The following ERC2 variants were observed in gnomAD, a reference collection of about 807,000 sequenced individuals.
ERC2 encodes the protein ELKS/RAB6-interacting/CAST family member 2.
A neutral mutation model predicts 114.8 loss-of-function variants in ERC2; 42 were observed. That is an observed-to-expected ratio of 0.37 (90% CI 0.29 to 0.47). The LOEUF (loss-of-function observed/expected upper bound fraction) is 0.47, where lower values mean the gene tolerates loss of function less well. Among genes scored for constraint, ERC2 ranks in the 20% least tolerant of loss-of-function variants. The pLI is 0.99. For missense variants in ERC2, 939 were observed against 1,150.7 expected, an observed-to-expected ratio of 0.82 and a Z score of 2.66; for synonymous variants, 454 against 425.5, an observed-to-expected ratio of 1.07 and a Z score of -0.82.
intron 14 of ERC2, among the ~76,000 whole-genome samples, chr3:55,804,782 T>C (rs1422873787): frequency 6.6e-6 from 1 of 152,092 alleles, no homozygotes; most frequent in Non-Finnish European, 1.5e-5. Flanking sequence ...GCCACCATCA[T>C]TCTTTTCACT....
chr3:55,554,980 C>T (rs551905882), intron 17 of ERC2, among the ~76,000 whole-genome samples: 2 of 152,304 alleles, frequency 1.3e-5, no homozygotes, highest in African/African-American at 4.8e-5. Context: ...AGAGCCCTGG[C>T]TCTCAGACAG....
intron 2 of ERC2, among the ~76,000 whole-genome samples, chr3:56,306,601 C>T (rs1215826409): frequency 6.6e-6 from 1 of 152,172 alleles, no homozygotes; most frequent in Non-Finnish European, 1.5e-5. Context: ...GTAACATCAA[C>T]AGGATGGGTA....
chr3:56,025,836 A>G (rs367854822), intron 7 of ERC2, among the ~76,000 whole-genome samples: 2 of 152,222 alleles, frequency 1.3e-5, no homozygotes, highest in South Asian at 4.2e-4. Context: ...TGCTTATTAT[A>G]CCCATATTTT....
chr3:55,689,002 C>T (rs2062486066), intron 16 of ERC2, among the ~76,000 whole-genome samples: 1 of 152,168 alleles, frequency 6.6e-6, no homozygotes, highest in African/African-American at 2.4e-5. Context: ...GAAAGCGAAA[C>T]TTCATTGGCT....
chr3:55,730,798 C>T (rs549451295), intron 15 of ERC2, among the ~76,000 whole-genome samples: 2 of 152,318 alleles, frequency 1.3e-5, no homozygotes, highest in South Asian at 2.1e-4. Flanking sequence ...CCGAAGTGAG[C>T]TGTGATTATA....
At chr3:56,015,855 C>T (rs746736728) in intron 8 of ERC2, among the ~76,000 whole-genome samples, 2 of 152,176 alleles carry the variant, frequency 1.3e-5, no homozygotes, top group Non-Finnish European at 2.9e-5. Context: ...TTCTGCCCAG[C>T]CTCACCAGCA....
chr3:55,715,457 T>A (rs993925938), intron 15 of ERC2, among the ~76,000 whole-genome samples: 13 of 151,954 alleles, frequency 8.6e-5, no homozygotes, highest in Non-Finnish European at 1.6e-4. Flanking sequence ...TGCAAAAAAA[T>A]TTTTCTCATT....
At chr3:55,846,669 TTC>T (rs776618827) in intron 14 of ERC2, among the ~76,000 whole-genome samples, 58 of 128,970 alleles carry the variant, frequency 4.5e-4, no homozygotes, top group Admixed American at 6.0e-4. Flanking sequence ...TCCTTATTCA[TTC>T]TCTCTCTCTC....
chr3:55,938,391 G>A (rs2066584610), intron 13 of ERC2, among the ~76,000 whole-genome samples: 1 of 152,072 alleles, frequency 6.6e-6, no homozygotes, highest in Non-Finnish European at 1.5e-5. Context: ...CTCAACCACT[G>A]GACTCTAACG....
intron 4 of ERC2, among the ~76,000 whole-genome samples, chr3:56,167,623 TG>T (rs1229328469): frequency 1.3e-5 from 2 of 152,194 alleles, no homozygotes; most frequent in South Asian, 2.1e-4. Flanking sequence ...TGCTTTATAT[TG>T]GGGGGTCCAG....
In ERC2 at chr3:55,865,106, A is replaced by G. The variant is rs1270957132; in HGVS notation, c.2564+23283T>C. On this transcript the variant is annotated intron_variant, in intron 14 of 17. Coordinates refer to ENST00000288221, the MANE Select transcript of ERC2 (RefSeq NM_015576.3). ...CTCTCTCATTTCTTGGGAACTACTG[A>G]AAAAGCCCTTTGTATATATCTAGGT... Among the ~76,000 whole-genome samples the G allele has an allele frequency of 4.6e-5, 7 of 152,110 alleles. No individual in the cohort carries two copies. The East Asian group carries it at 1.3e-3, about 29-fold the overall frequency.
At chr3:55,887,737 C>T (rs1454072334) in intron 14 of ERC2, among the ~76,000 whole-genome samples, 1 of 152,178 alleles carries the variant, frequency 6.6e-6, no homozygotes, top group Non-Finnish European at 1.5e-5. Context: ...ACAGGAACAA[C>T]CATTTCCCAG....
chr3:56,171,953 G>T (rs2082696427), intron 4 of ERC2, among the ~76,000 whole-genome samples: 1 of 146,734 alleles, frequency 6.8e-6, no homozygotes. Context: ...GGATGGAAGG[G>T]GGACTGAGTC....
chr3:56,326,026 A>C (rs992028877), intron 2 of ERC2, among the ~76,000 whole-genome samples: 4 of 152,186 alleles, frequency 2.6e-5, no homozygotes, highest in Non-Finnish European at 5.9e-5. Flanking sequence ...GCTCCATGTC[A>C]CGTGGCCCTA....
intron 13 of ERC2, among the ~76,000 whole-genome samples, chr3:55,888,753 G>A (rs2063474403): frequency 6.6e-6 from 1 of 152,108 alleles, no homozygotes; most frequent in Admixed American, 6.6e-5. Context: ...ACTCTGGGGA[G>A]TTGTGGGGAA....
chr3:56,258,796 A>G (rs531315247), intron 3 of ERC2, among the ~76,000 whole-genome samples: 1 of 152,354 alleles, frequency 6.6e-6, no homozygotes, highest in South Asian at 2.1e-4. Context: ...GAGATGGAGA[A>G]GCAGCATGTA....
intron 2 of ERC2, among the ~76,000 whole-genome samples, chr3:56,429,002 C>A (rs188912464): frequency 6.6e-6 from 1 of 152,108 alleles, no homozygotes; most frequent in Non-Finnish European, 1.5e-5. Context: ...TTATGTGTAC[C>A]TAATTTGGAA....
In ERC2 at chr3:56,004,187, T is replaced by C. The variant is rs529263535; in HGVS notation, c.2061+2994A>G. 9.9e-5 allele frequency among the ~76,000 whole-genome samples: 15 copies of C among 152,160 alleles called. No individual in the cohort carries two copies. In the South Asian group the frequency reaches 2.9e-3, roughly 29 times the overall value. On this transcript the variant is annotated intron_variant, in intron 10 of 17. Coordinates refer to ENST00000288221, the MANE Select transcript of ERC2 (RefSeq NM_015576.3). ...GCTTCTCAATTGATTTCTAATCACA[T>C]AGGGTAAATTTACTCCCCCATTTTG...
chr3:55,562,208 A>G lies in ERC2; in HGVS notation c.*40-50932T>C, dbSNP rs984549060. On this transcript the variant is annotated intron_variant, in intron 17 of 17. Coordinates refer to ENST00000288221, the MANE Select transcript of ERC2 (RefSeq NM_015576.3). ...CTCTCGTTTCCCAGGCTGGAGTGCA[A>G]TGGTGTGATCCCTGCTCACTGCAAC... Among the ~76,000 whole-genome samples, 16 of 149,244 alleles carry G rather than the reference A, an allele frequency of 1.1e-4. No individual in the cohort carries two copies. In the Middle Eastern group the frequency reaches 0.015, roughly 144 times the overall value.
Sources: allele counts gnomAD v4.1 joint callset (sites outside exome capture counted in the v4.1 genomes callset), GRCh38; gene constraint gnomAD v4.1.1; transcripts MANE v1.5; gene names NCBI Gene and HGNC (gene_info 2026-07-23, HGNC 2026-07-21).